The following CCDC77 variants were observed in gnomAD, a reference collection of about 807,000 sequenced individuals.
The protein encoded by CCDC77 is coiled-coil domain containing 77.
In CCDC77, 56 loss-of-function variants were observed where a neutral mutation model predicts 66.8. That is an observed-to-expected ratio of 0.84 (90% CI 0.68 to 1.05). The LOEUF (loss-of-function observed/expected upper bound fraction) is 1.05. Ranked by LOEUF, CCDC77 falls within the 50% of genes least tolerant of loss-of-function variation. The pLI is 0.00. For missense variants in CCDC77, 570 were observed against 576.8 expected (o/e 0.99, Z 0.12); for synonymous variants, 196 against 195.2 (o/e 1.00, Z -0.03).
intron 10 of CCDC77, among the ~76,000 whole-genome samples, chr12:439,253 C>T (rs1448038947): frequency 6.6e-6 from 1 of 151,824 alleles, no homozygotes; most frequent in Non-Finnish European, 1.5e-5. Context: ...GACGCGATGG[C>T]TCACACCTGT....
chr12:432,075 G>A (rs1323077844), intron 8 of CCDC77, 121 bp downstream of exon 8: 2 of 589,776 alleles, frequency 3.4e-6, no homozygotes, highest in African/African-American at 3.8e-5. Context: ...TAAGCATCAT[G>A]TGGTTAAGAA....
intron 9 of CCDC77, among the ~76,000 whole-genome samples, chr12:437,206 G>A (rs370968799): frequency 6.6e-6 from 1 of 152,182 alleles, no homozygotes; most frequent in East Asian, 1.9e-4. Context: ...ATGTTAAACT[G>A]ATGAGTTGCT....
chr12:428,788 A>G lies in CCDC77; in HGVS notation c.433A>G (p.Lys145Glu). ...LRIRELEDKK[K>E]IQNLLALVGT... is the part of the protein sequence containing the mutation. ...TTGCAGGGAGCTAGAAGACAAGAAAAAGATTCAGAATCTCTTGGCTCTTGT... is the reference window on the plus strand; with the variant it reads ...TTGCAGGGAGCTAGAAGACAAGAAAGAGATTCAGAATCTCTTGGCTCTTGT... Residue 145 changes from lysine (K) to glutamate (E), a missense_variant, in exon 6 of 13, where the codon AAG becomes GAG. Lys to Glu is a moderately conservative substitution (Grantham distance 56, BLOSUM62 1). Coordinates refer to ENST00000239830, the MANE Select transcript of CCDC77 (RefSeq NM_032358.4). 1.2e-6 allele frequency: 2 copies of G among 1,611,576 alleles called. No individual in the cohort carries two copies. The highest frequency in any genetic ancestry group is 1.7e-6 in the Non-Finnish European group (2 of 1,178,912).
At chr12:416,088 G>A (rs1342931972) in intron 4 of CCDC77, among the ~76,000 whole-genome samples, 5 of 151,588 alleles carry the variant, frequency 3.3e-5, no homozygotes, top group Admixed American at 6.6e-5. Context: ...TTACAGGTGT[G>A]AGCCACTGCA....
chr12:438,936 AGCATGATGGTGGGT>A (rs1397788719), intron 10 of CCDC77, among the ~76,000 whole-genome samples: 2 of 149,772 alleles, frequency 1.3e-5, no homozygotes. Context: ...AAATTAGCTG[AGCATGATGGTGGGT>A]GCCTGTAATC....
At chr12:423,958 G>T (rs1027197336) in intron 5 of CCDC77, among the ~76,000 whole-genome samples, 12 of 151,972 alleles carry the variant, frequency 7.9e-5, no homozygotes, top group African/African-American at 2.9e-4. Context: ...TAATAATTGG[G>T]TTGTTTTTGT....
chr12:434,058 C>T (rs563715563), intron 9 of CCDC77, among the ~76,000 whole-genome samples: 14 of 152,118 alleles, frequency 9.2e-5, no homozygotes, highest in Non-Finnish European at 1.9e-4. Context: ...GGACGTAGAA[C>T]GTCCTGTAAA....
chr12:394,316 ATATT>A (rs1341853585), intron 1 of CCDC77, among the ~76,000 whole-genome samples: 1 of 152,218 alleles, frequency 6.6e-6, no homozygotes, highest in African/African-American at 2.4e-5. Flanking sequence ...GACAAAAGAC[ATATT>A]TAAAGGTCCA....
chr12:438,410 A>G lies in CCDC77; in HGVS notation c.897A>G (p.Lys299=). 6.2e-7 allele frequency: 1 copy of G among 1,614,130 alleles called. No homozygotes were observed. The highest frequency in any genetic ancestry group is 8.5e-7 in the Non-Finnish European group (1 of 1,179,972). The part of the protein sequence containing the change: ...FLQLRSENQN[K]EKSWMLEKDN... ...AACTCAGATCTGAAAACCAAAATAA[A>G]GAGAAGTCATGGATGCTTGAAAAAG... is the stretch of plus-strand genomic sequence containing the variant. The change falls in exon 10 of 13, where the codon AAA becomes AAG. Residue 299 remains lysine, a synonymous_variant. Transcript: ENST00000239830.
intron 2 of CCDC77, 122 bp from the exon 3 acceptor site, chr12:409,246 A>C (rs1194114659): frequency 7.0e-6 from 5 of 713,418 alleles, no homozygotes; most frequent in African/African-American, 1.8e-5. Context: ...CTACATTTTA[A>C]AACATCAGAT....
At chr12:416,373 GTGTGTA>G (rs1343704877) in intron 4 of CCDC77, among the ~76,000 whole-genome samples, 35 of 25,278 alleles carry the variant, frequency 1.4e-3, no homozygotes, top group African/African-American at 4.3e-3. Context: ...GTGTGTGTGT[GTGTGTA>G]TATATATATA....
chr12:415,373 TCAACATAATATTATGTTAATATAATCAA>T lies in CCDC77; in HGVS notation c.271-3118_271-3091del, dbSNP rs1565568068. 9.7e-5 allele frequency among the ~76,000 whole-genome samples: 12 copies of T among 123,770 alleles called. 1 individual carries two copies. The highest frequency in any genetic ancestry group is 1.7e-4 in the Admixed American group (2 of 11,868). 81.2% of individuals were successfully genotyped at this position (123,770 alleles called of 152,430 possible). A position where few individuals can be genotyped will look rare whatever the true frequency, so the allele number is the denominator to read the frequency against. On this transcript the variant is annotated intron_variant, in intron 4 of 12. Transcript: ENST00000239830. ...TCAACATAATATTATGTTAATATAA[TCAACATAATATTATGTTAATATAATCAA>T]CATAATATGTTGATATTATTAACAT...
chr12:393,179 A>G (rs1388769340), intron 1 of CCDC77, among the ~76,000 whole-genome samples: 1 of 152,184 alleles, frequency 6.6e-6, no homozygotes, highest in Non-Finnish European at 1.5e-5. Flanking sequence ...GTGCAGTGGC[A>G]CAACCCCAGC....
chr12:438,275 C>G, intron 9 of CCDC77, 60 bp from the exon 10 acceptor site: 1 of 1,146,202 alleles, frequency 8.7e-7, no homozygotes. Context: ...TGGAATAATC[C>G]TTGCTTTCAG....
intron 4 of CCDC77, among the ~76,000 whole-genome samples, chr12:417,789 C>G (rs1343995826): frequency 6.6e-6 from 1 of 152,036 alleles, no homozygotes; most frequent in African/African-American, 2.4e-5. Context: ...GTAATCCCAG[C>G]TACTCAGGAG....
upstream of CCDC77, among the ~76,000 whole-genome samples, chr12:400,075 T>C (rs1481811371): frequency 2.0e-5 from 3 of 152,284 alleles, no homozygotes; most frequent in Non-Finnish European, 4.4e-5. Context: ...CAGCACTTGC[T>C]GCTTCCACCT....
At chr12:416,359 G>GTATATATATATA (rs1945268062) in intron 4 of CCDC77, among the ~76,000 whole-genome samples, 11 of 43,526 alleles carry the variant, frequency 2.5e-4, no homozygotes, top group Admixed American at 4.8e-4. Flanking sequence ...GTGTGTGTGT[G>GTATATATATATA]TGTGTGTGTG....
rs560304046 is a variant in CCDC77, at chr12:436,242, T to C, written c.822-2093T>C. Among the ~76,000 whole-genome samples, 26 of 151,110 alleles carry C rather than the reference T, an allele frequency of 1.7e-4. No individual in the cohort carries two copies. The South Asian group carries it at 3.0e-3, about 17-fold the overall frequency. On this transcript the variant is annotated intron_variant, in intron 9 of 12. Transcript: ENST00000239830. ...ATGCCATTCTCCTGCCTCAGCCTCC[T>C]GAGTAGCTGGGACTACAGGCGCCCA...
chr12:425,694 C>G (rs1203159704), intron 5 of CCDC77, among the ~76,000 whole-genome samples: 1 of 152,090 alleles, frequency 6.6e-6, no homozygotes, highest in Non-Finnish European at 1.5e-5. Context: ...TTAAAAACTT[C>G]ACTCATGTGC....
Sources: allele counts gnomAD v4.1 joint callset (sites outside exome capture counted in the v4.1 genomes callset), GRCh38; gene constraint gnomAD v4.1.1; transcripts MANE v1.5; gene names NCBI Gene and HGNC (gene_info 2026-07-23, HGNC 2026-07-21).